Variants in PLEKHG1 observed in about 807,000 individuals in gnomAD.
PLEKHG1 encodes the protein pleckstrin homology domain-containing family G member 1.
A neutral mutation model predicts 100.8 loss-of-function variants in PLEKHG1; 44 were observed. That is an observed-to-expected ratio of 0.44 (90% CI 0.34 to 0.56). PLEKHG1 has a LOEUF of 0.56. PLEKHG1 is among the 20% of genes least tolerant of loss of function. PLEKHG1 has a pLI of 0.01. For missense variants in PLEKHG1, 1,545 were observed against 1,720.9 expected, an observed-to-expected ratio of 0.90 and a Z score of 1.81; for synonymous variants, 640 against 662.5, an observed-to-expected ratio of 0.97 and a Z score of 0.52.
chr6:150,607,576 A>G (rs1362112674), intron 1 of PLEKHG1, among the ~76,000 whole-genome samples: 1 of 152,206 alleles, frequency 6.6e-6, no homozygotes, highest in East Asian at 1.9e-4. Flanking sequence ...CACTTTTTAA[A>G]ATTGGAAACA....
At chr6:150,788,206 GCT>G (rs1785747731) in intron 4 of PLEKHG1, among the ~76,000 whole-genome samples, 1 of 152,238 alleles carries the variant, frequency 6.6e-6, no homozygotes, top group Non-Finnish European at 1.5e-5. Context: ...ACTGACTTGA[GCT>G]CTCTGCACTT....
intron 1 of PLEKHG1, among the ~76,000 whole-genome samples, chr6:150,634,178 A>T (rs565521603): frequency 1.3e-5 from 2 of 150,056 alleles, no homozygotes; most frequent in South Asian, 4.2e-4. Flanking sequence ...CAGGAGGCAG[A>T]GGTTGCAGTG....
chr6:150,795,823 T>C (rs754243539), intron 4 of PLEKHG1, 33 bp from the exon 6 acceptor site: 1 of 1,373,638 alleles, frequency 7.3e-7, no homozygotes, highest in East Asian at 2.3e-5. Context: ...TTGTGCTTTG[T>C]TGCCTATAAA....
intron 3 of PLEKHG1, among the ~76,000 whole-genome samples, chr6:150,777,702 A>G (rs1785065975): frequency 6.8e-6 from 1 of 148,010 alleles, no homozygotes; most frequent in Non-Finnish European, 1.5e-5. Flanking sequence ...GTCCTGGTGC[A>G]CATGTGCGGT....
chr6:150,627,816 C>T (rs1341910050), intron 1 of PLEKHG1, among the ~76,000 whole-genome samples: 1 of 152,146 alleles, frequency 6.6e-6, no homozygotes, highest in African/African-American at 2.4e-5. Flanking sequence ...ACCCTCTTGC[C>T]TTGAGCACTA....
chr6:150,710,893 T>C (rs1781219194), intron 3 of PLEKHG1, among the ~76,000 whole-genome samples: 1 of 152,024 alleles, frequency 6.6e-6, no homozygotes, highest in Non-Finnish European at 1.5e-5. Flanking sequence ...CTAGGCCTGG[T>C]CCCCTTTACA....
At position 150,831,928 on chromosome 6, in the gene PLEKHG1, A is replaced by G. The variant is rs928920419; in HGVS notation, c.2817A>G (p.Glu939=). 3.1e-6 allele frequency: 5 copies of G among 1,613,898 alleles called. No homozygotes were observed. The African/African-American group carries it at 5.3e-5, about 17-fold the overall frequency. ...TTAACCGGCTTTCTCTGGCTAGTGA[A>G]ATGCCCCTCATGGACAATCCCTACG... Residue 939 remains glutamate, a synonymous_variant, in exon 15 of 16, where the codon GAA becomes GAG. Coordinates refer to ENST00000358517, the Ensembl canonical transcript of PLEKHG1. This position sits in a 1 kb window ranked among gnomAD's most constrained non-coding sequence, Gnocchi z 4.1.
At chr6:150,621,345 C>G (rs949049108) in intron 1 of PLEKHG1, among the ~76,000 whole-genome samples, 12 of 151,806 alleles carry the variant, frequency 7.9e-5, no homozygotes, top group African/African-American at 2.7e-4. Context: ...ATTAGTTTTA[C>G]CACCTCAGGG....
At chr6:150,629,907 AT>A (rs1176165540) in intron 1 of PLEKHG1, among the ~76,000 whole-genome samples, 1 of 152,068 alleles carries the variant, frequency 6.6e-6, no homozygotes, top group Non-Finnish European at 1.5e-5. Context: ...ACTTTTCTGT[AT>A]TTTGGGAGAT....
At chr6:150,817,057 C>T (rs1400462556) in intron 10 of PLEKHG1, among the ~76,000 whole-genome samples, 1 of 152,222 alleles carries the variant, frequency 6.6e-6, no homozygotes, top group Admixed American at 6.5e-5. Flanking sequence ...CCACTCACCT[C>T]CTGCTGTGCG....
At chr6:150,839,853 T>C (rs1437878280) in exon 16 of PLEKHG1, 3 of 1,610,852 alleles carry the variant, frequency 1.9e-6, no homozygotes, top group Admixed American at 3.3e-5. Context: ...TGCTGAGTAT[T>C]CCCAGTTGTA....
At chr6:150,665,360 G>A (rs888918936) in intron 3 of PLEKHG1, among the ~76,000 whole-genome samples, 10 of 152,264 alleles carry the variant, frequency 6.6e-5, no homozygotes, top group South Asian at 2.1e-4. Context: ...AATGAATGTC[G>A]TGGCTCACGC....
intron 3 of PLEKHG1, among the ~76,000 whole-genome samples, chr6:150,672,890 G>C (rs1779625711): frequency 1.3e-5 from 2 of 152,184 alleles, no homozygotes; most frequent in South Asian, 2.1e-4. Context: ...AAATAATTCA[G>C]CATTTTCTAC....
intron 1 of PLEKHG1, among the ~76,000 whole-genome samples, chr6:150,617,599 T>G (rs908833536): frequency 6.6e-6 from 1 of 152,162 alleles, no homozygotes; most frequent in Non-Finnish European, 1.5e-5. Flanking sequence ...TAGAACTCAG[T>G]AAGGTTTGGG....
At chr6:150,779,357 T>TTTTTTTTTTTTTTTTTTTTTTTA (rs1562511517) in intron 3 of PLEKHG1, among the ~76,000 whole-genome samples, 1 of 147,274 alleles carries the variant, frequency 6.8e-6, no homozygotes, top group African/African-American at 2.6e-5. Context: ...TTTTTTTTTT[T>TTTTTTTTTTTTTTTTTTTTTTTA]TTTTTTGAGA....
chr6:150,732,718 A>G (rs897408858), intron 1 of PLEKHG1, among the ~76,000 whole-genome samples: 2 of 152,190 alleles, frequency 1.3e-5, no homozygotes, highest in Admixed American at 1.3e-4. Context: ...CCCGGGTTCA[A>G]GCAATTCTTG....
intron 2 of PLEKHG1, among the ~76,000 whole-genome samples, chr6:150,649,395 C>T (rs1357569364): frequency 6.6e-6 from 1 of 152,184 alleles, no homozygotes; most frequent in African/African-American, 2.4e-5. Context: ...CTTTAATGTT[C>T]CCCACCAGTG....
At chr6:150,819,247 A>G (rs192080567) in intron 11 of PLEKHG1, among the ~76,000 whole-genome samples, 151 of 151,962 alleles carry the variant, frequency 9.9e-4, no homozygotes, top group Non-Finnish European at 1.1e-3. Context: ...GAGGAGGATC[A>G]TATCCATGTC....
chr6:150,680,193 C>T (rs1779885900), intron 3 of PLEKHG1, among the ~76,000 whole-genome samples: 1 of 152,072 alleles, frequency 6.6e-6, no homozygotes, highest in African/African-American at 2.4e-5. Context: ...GAATGTTATA[C>T]TAGTACAGAT....
Sources: allele counts gnomAD v4.1 joint callset (sites outside exome capture counted in the v4.1 genomes callset), GRCh38; gene constraint gnomAD v4.1.1; non-coding constraint Gnocchi (gnomAD v3.1); transcripts MANE v1.5; gene names NCBI Gene and HGNC (gene_info 2026-07-23, HGNC 2026-07-21).